Variants in EFL1 observed in about 807,000 individuals in gnomAD.
The protein encoded by EFL1 is elongation factor-like GTPase 1.
A neutral mutation model predicts 126.7 loss-of-function variants in EFL1; 76 were observed. That is an observed-to-expected ratio of 0.60 (90% CI 0.50 to 0.73). The LOEUF is 0.73. Among genes scored for constraint, EFL1 ranks in the 30% least tolerant of loss-of-function variants. The pLI is 0.00. For synonymous variants in EFL1, 410 were observed against 448.4 expected (o/e 0.91, Z 1.08); for missense variants, 1,128 against 1,343.2 (o/e 0.84, Z 2.50).
At chr15:82,248,073 T>C (rs1379359207) in intron 4 of EFL1, among the ~76,000 whole-genome samples, 1 of 152,156 alleles carries the variant, frequency 6.6e-6, no homozygotes, top group Non-Finnish European at 1.5e-5. Flanking sequence ...TTCACCTCTC[T>C]GAACTCCATT....
intron 15 of EFL1, among the ~76,000 whole-genome samples, chr15:82,176,359 G>A (rs1247546447): frequency 6.6e-6 from 1 of 152,122 alleles, no homozygotes; most frequent in African/African-American, 2.4e-5. Flanking sequence ...TTAAAACTAA[G>A]AACTTCCGTT....
At chr15:82,219,922 CA>C in intron 13 of EFL1, 104 bp from the exon 14 acceptor site, 1 of 1,486,376 alleles carries the variant, frequency 6.7e-7, no homozygotes, top group Non-Finnish European at 9.0e-7. Context: ...CGTCAAGTTT[CA>C]GGAAAAAAAA....
chr15:82,145,913 T>C (rs1417436374), intron 18 of EFL1, among the ~76,000 whole-genome samples: 1 of 147,752 alleles, frequency 6.8e-6, no homozygotes, highest in Non-Finnish European at 1.5e-5. Flanking sequence ...ATTTTTAAAA[T>C]GTGGTTATTA....
chr15:82,159,294 GAAT>G (rs964693864), intron 16 of EFL1, among the ~76,000 whole-genome samples: 10 of 151,704 alleles, frequency 6.6e-5, no homozygotes, highest in Non-Finnish European at 7.4e-5. Context: ...AAGCACATGG[GAAT>G]AATAAAAAAA....
chr15:82,175,724 G>C (rs2074188192), intron 15 of EFL1, among the ~76,000 whole-genome samples: 1 of 152,046 alleles, frequency 6.6e-6, no homozygotes, highest in Non-Finnish European at 1.5e-5. Context: ...AAGGTGGCAG[G>C]CACCTGTAAT....
intron 7 of EFL1, chr15:82,233,527 C>A (rs752076485): frequency 6.6e-6 from 1 of 152,138 alleles, no homozygotes; most frequent in Non-Finnish European, 1.5e-5. Flanking sequence ...TTACAGAATT[C>A]TAATACTCAG....
chr15:82,159,857 T>G (rs1485748512), intron 16 of EFL1: 1 of 152,210 alleles, frequency 6.6e-6, no homozygotes, highest in Non-Finnish European at 1.5e-5. Context: ...GACTATGCAA[T>G]TTTGTGAGGT....
chr15:82,247,475 T>A (rs1198887892), intron 4 of EFL1, among the ~76,000 whole-genome samples: 1 of 151,992 alleles, frequency 6.6e-6, no homozygotes, highest in Non-Finnish European at 1.5e-5. Flanking sequence ...GAAAGGTGAA[T>A]AATTGGATGG....
chr15:82,241,237 C>T, intron 5 of EFL1, 33 bp downstream of exon 5: 3 of 1,612,108 alleles, frequency 1.9e-6, no homozygotes, highest in South Asian at 1.1e-5. Context: ...TCACCCTTAA[C>T]CATTTAAGTA....
chr15:82,216,839 A>G (rs773880279), intron 14 of EFL1, among the ~76,000 whole-genome samples: 1 of 152,192 alleles, frequency 6.6e-6, no homozygotes, highest in Non-Finnish European at 1.5e-5. Flanking sequence ...GTACATTTAC[A>G]TTAATAACTT....
intron 15 of EFL1, among the ~76,000 whole-genome samples, chr15:82,212,088 T>C (rs112125324): frequency 6.6e-6 from 1 of 152,168 alleles, no homozygotes; most frequent in East Asian, 1.9e-4. Context: ...CCACCTAGGA[T>C]GTCAACCTGC....
At chr15:82,182,936 A>G (rs1020162708) in intron 15 of EFL1, among the ~76,000 whole-genome samples, 1 of 152,164 alleles carries the variant, frequency 6.6e-6, no homozygotes. Context: ...AATCGTGAGG[A>G]AAATTAGGCA....
intron 15 of EFL1, among the ~76,000 whole-genome samples, chr15:82,209,823 C>G (rs538138162): frequency 1.2e-4 from 19 of 152,314 alleles, no homozygotes; most frequent in Admixed American, 8.5e-4. Flanking sequence ...TAGCTGAGTT[C>G]AAATGTGAAA....
intron 15 of EFL1, among the ~76,000 whole-genome samples, chr15:82,201,657 T>C (rs2074469142): frequency 6.8e-6 from 1 of 146,058 alleles, no homozygotes; most frequent in Non-Finnish European, 1.5e-5. Flanking sequence ...AATATCATTT[T>C]AGAAGAACAT....
chr15:82,143,183 A>ATG (rs1293534401), intron 18 of EFL1, among the ~76,000 whole-genome samples: 2 of 152,232 alleles, frequency 1.3e-5, no homozygotes, highest in African/African-American at 4.8e-5. Flanking sequence ...AATAATAAGT[A>ATG]AACTGTATCA....
intron 18 of EFL1, among the ~76,000 whole-genome samples, chr15:82,145,000 A>G (rs1156827286): frequency 2.8e-5 from 4 of 145,184 alleles, no homozygotes; most frequent in Non-Finnish European, 4.7e-5. Context: ...TCAAAAAAGA[A>G]AAAAAAAAAA....
rs796768168 is a variant in EFL1 at position 82,240,540 on chromosome 15, G to A, written c.394C>T (p.Arg132Ter). The A allele has an allele frequency of 4.3e-6, 7 of 1,613,732 alleles. No homozygotes were observed. The highest frequency in any genetic ancestry group is 1.1e-5 in the South Asian group (1 of 90,922). ...CGGATGTTTTCAAGCCAAGCTTGTCGCAGAACTGCCTGTGTCTGATAAAAA... is the reference window on the plus strand; with the variant it reads ...CGGATGTTTTCAAGCCAAGCTTGTCACAGAACTGCCTGTGTCTGATAAAAA... ...GVCPQTQAVL[R>*]QAWLENIRPV... Residue 132 changes from arginine to a stop codon, truncating the protein, a stop_gained, in exon 6 of 20, where the codon CGA (arginine) becomes TGA (stop). Coordinates refer to ENST00000268206, the MANE Select transcript of EFL1 (RefSeq NM_024580.6). LOFTEE classifies it high-confidence loss of function.
intron 12 of EFL1, among the ~76,000 whole-genome samples, chr15:82,221,547 A>G (rs564305147): frequency 6.6e-6 from 1 of 152,286 alleles, no homozygotes; most frequent in South Asian, 2.1e-4. Flanking sequence ...AGGACTAGAC[A>G]CTACTTCTGC....
At chr15:82,147,232 CT>C (rs1567040089) in intron 18 of EFL1, among the ~76,000 whole-genome samples, 2 of 152,096 alleles carry the variant, frequency 1.3e-5, no homozygotes, top group Non-Finnish European at 2.9e-5. Flanking sequence ...AGATGGCAAT[CT>C]GGGGAGAAAA....
Sources: allele counts gnomAD v4.1 joint callset (sites outside exome capture counted in the v4.1 genomes callset), GRCh38; gene constraint gnomAD v4.1.1; transcripts MANE v1.5; gene names NCBI Gene and HGNC (gene_info 2026-07-23, HGNC 2026-07-21).